Variants in LHPP observed in about 807,000 individuals in gnomAD.
The protein encoded by LHPP is hLHPP.
LHPP carries 24 observed loss-of-function variants against 30.3 expected under a neutral mutation model. That is an observed-to-expected ratio of 0.79 (90% CI 0.57 to 1.11). The LOEUF is 1.11. Ranked by LOEUF, LHPP falls within the 50% of genes most tolerant of loss-of-function variation. The pLI, the probability that LHPP is intolerant of heterozygous loss-of-function variation, is 0.00. For synonymous variants in LHPP, 150 were observed against 157.1 expected, an observed-to-expected ratio of 0.95 and a Z score of 0.34; for missense variants, 356 against 367.2, an observed-to-expected ratio of 0.97 and a Z score of 0.25.
At position 124,484,192 on chromosome 10, in the gene LHPP, C is replaced by T. The variant is rs766127269; in HGVS notation, c.179C>T (p.Ser60Phe). Residue 60 changes from serine to phenylalanine, a missense_variant, in exon 2 of 7, where the codon TCC becomes TTC. Ser to Phe is a radical substitution (Grantham distance 155). Transcript: ENST00000368842. ...VRFCTNESQK[S>F]RAELVGQLQR... Reference sequence around the variant, plus strand: ...TTCTGCACCAACGAGTCGCAGAAGTCCCGGGCAGAGCTGGTGGGGCAGCTT... The same window carrying T: ...TTCTGCACCAACGAGTCGCAGAAGTTCCGGGCAGAGCTGGTGGGGCAGCTT... 8.7e-6 allele frequency: 14 copies of T among 1,614,086 alleles called. No homozygotes were observed. Among genetic ancestry groups the T allele is most frequent in the Non-Finnish European group, 1.2e-5 (14 of 1,180,036 alleles).
chr10:124,497,829 C>T (rs1255209677), intron 4 of LHPP, among the ~76,000 whole-genome samples: 1 of 152,132 alleles, frequency 6.6e-6, no homozygotes, highest in Non-Finnish European at 1.5e-5. Flanking sequence ...TGGCAGGGTG[C>T]CTGGTGCTAG....
At chr10:124,502,371 C>CTTTTT (rs199524033) in intron 5 of LHPP, among the ~76,000 whole-genome samples, 24 of 147,286 alleles carry the variant, frequency 1.6e-4, no homozygotes, top group East Asian at 7.9e-4. Context: ...CAGTAATTAT[C>CTTTTT]TTTTTTTTTT....
chr10:124,613,372 G>T lies in LHPP; in HGVS notation c.*12G>T. 1 of 1,600,376 alleles carries T rather than the reference G, an allele frequency of 6.2e-7. No homozygotes were observed. Among genetic ancestry groups the T allele is most frequent in the Non-Finnish European group, 8.5e-7 (1 of 1,170,750 alleles). ...ACGCCGACAAGTGATGGCCTCCTGG[G>T]AGAGCCCCGCCTCCTCCACCCCTGC... On this transcript the variant is annotated 3_prime_UTR_variant, in exon 7 of 7. Coordinates refer to ENST00000368842, the MANE Select transcript of LHPP (RefSeq NM_022126.4).
intron 1 of LHPP, among the ~76,000 whole-genome samples, chr10:124,475,057 C>T (rs1206174945): frequency 8.5e-5 from 2 of 23,602 alleles, no homozygotes; most frequent in Admixed American, 5.7e-4. Flanking sequence ...GAGTCTCGCT[C>T]TGTCGCCCAG....
intron 1 of LHPP, among the ~76,000 whole-genome samples, chr10:124,470,452 C>T (rs907912425): frequency 1.3e-5 from 2 of 152,068 alleles, no homozygotes; most frequent in Non-Finnish European, 2.9e-5. Context: ...CCTCTCAATC[C>T]CCTGTGTGTC....
intron 6 of LHPP, among the ~76,000 whole-genome samples, chr10:124,586,752 A>G (rs1438969371): frequency 2.0e-5 from 3 of 149,874 alleles, no homozygotes; most frequent in African/African-American, 7.4e-5. Flanking sequence ...TCCTCTTTGT[A>G]CGATCAGTTT....
At chr10:124,531,097 C>T (rs1264696271) in intron 6 of LHPP, among the ~76,000 whole-genome samples, 1 of 152,200 alleles carries the variant, frequency 6.6e-6, no homozygotes, top group Admixed American at 6.5e-5. Context: ...GCTGTCTGCG[C>T]CCTTCACCTG....
At chr10:124,579,980 T>C (rs1948723291) in intron 6 of LHPP, among the ~76,000 whole-genome samples, 1 of 152,372 alleles carries the variant, frequency 6.6e-6, no homozygotes, top group Middle Eastern at 3.4e-3. Flanking sequence ...TATGATGGTA[T>C]TTTGTTGTAA....
intron 6 of LHPP, among the ~76,000 whole-genome samples, chr10:124,529,790 TGCACATACACACACACACACAC>T (rs1371201453): frequency 3.5e-5 from 4 of 115,180 alleles, no homozygotes; most frequent in African/African-American, 1.2e-4. Context: ...CACCAGCTCA[TGCACATACACACACACACACAC>T]GCACACACAC....
At chr10:124,562,052 A>G (rs887909286) in intron 6 of LHPP, among the ~76,000 whole-genome samples, 7 of 152,228 alleles carry the variant, frequency 4.6e-5, no homozygotes, top group African/African-American at 7.2e-5. Flanking sequence ...CATGCCTGTG[A>G]TCCCAGCACT....
chr10:124,465,420 T>C (rs1438647153), intron 1 of LHPP, among the ~76,000 whole-genome samples: 2 of 152,128 alleles, frequency 1.3e-5, no homozygotes, highest in Non-Finnish European at 2.9e-5. Context: ...GAAATACAAA[T>C]GTAAAAAGTG....
At chr10:124,571,086 T>C (rs1948578763) in intron 6 of LHPP, among the ~76,000 whole-genome samples, 1 of 152,246 alleles carries the variant, frequency 6.6e-6, no homozygotes, top group Admixed American at 6.5e-5. Context: ...TCTGCCGCCA[T>C]GTGAGACATG....
At chr10:124,482,832 C>T (rs376382265) in intron 1 of LHPP, among the ~76,000 whole-genome samples, 7 of 152,280 alleles carry the variant, frequency 4.6e-5, no homozygotes, top group Middle Eastern at 3.4e-3. Context: ...TTCTGCATAG[C>T]GTCTCTCTCT....
intron 5 of LHPP, among the ~76,000 whole-genome samples, chr10:124,513,039 C>A (rs1157855010): frequency 6.6e-6 from 1 of 152,162 alleles, no homozygotes; most frequent in Non-Finnish European, 1.5e-5. Flanking sequence ...CGGTTAGCCC[C>A]TCTTAGCATC....
intron 6 of LHPP, among the ~76,000 whole-genome samples, chr10:124,598,539 G>A (rs1948980593): frequency 6.6e-6 from 1 of 152,164 alleles, no homozygotes; most frequent in African/African-American, 2.4e-5. Flanking sequence ...TCCTGAGGTG[G>A]GGCCTGCTCT....
At chr10:124,528,085 T>C (rs1954791745) in intron 6 of LHPP, among the ~76,000 whole-genome samples, 1 of 152,120 alleles carries the variant, frequency 6.6e-6, no homozygotes, top group Non-Finnish European at 1.5e-5. Flanking sequence ...TGGCTCTGGG[T>C]TTCCTCATGT....
intron 1 of LHPP, among the ~76,000 whole-genome samples, chr10:124,464,528 G>A (rs188498559): frequency 1.1e-3 from 163 of 152,320 alleles, no homozygotes; most frequent in East Asian, 7.7e-4. Flanking sequence ...AGGACACTCC[G>A]CTGGGTCCTG....
chr10:124,486,723 C>T (rs1443525623), intron 2 of LHPP, among the ~76,000 whole-genome samples: 1 of 152,244 alleles, frequency 6.6e-6, no homozygotes, highest in Admixed American at 6.5e-5. Context: ...CAGTCTCCAG[C>T]CCCACAGAGT....
At chr10:124,562,911 G>A (rs983431394) in intron 6 of LHPP, among the ~76,000 whole-genome samples, 2 of 143,524 alleles carry the variant, frequency 1.4e-5, no homozygotes, top group Admixed American at 1.4e-4. Flanking sequence ...CAGCCTGGGC[G>A]ACAAAACAAG....
Sources: allele counts gnomAD v4.1 joint callset (sites outside exome capture counted in the v4.1 genomes callset), GRCh38; gene constraint gnomAD v4.1.1; transcripts MANE v1.5; gene names NCBI Gene and HGNC (gene_info 2026-07-23, HGNC 2026-07-21).